RIPK1: variants seen among roughly 807,000 people sequenced by gnomAD.
RIPK1 encodes the protein receptor interacting serine/threonine kinase 1, also known as receptor-interacting serine/threonine-protein kinase 1.
In RIPK1, 27 loss-of-function variants were observed where a neutral mutation model predicts 62.4. The observed-to-expected ratio is 0.43, with a 90% confidence interval of 0.32 to 0.60. RIPK1 has a LOEUF of 0.60. RIPK1 is among the 20% of genes least tolerant of loss of function. The probability of loss-of-function intolerance (pLI) is 0.07; values close to 1 mark genes in which losing one functional copy is unlikely to be tolerated. For synonymous variants in RIPK1, 287 were observed against 303.2 expected, an observed-to-expected ratio of 0.95 and a Z score of 0.55; for missense variants, 735 against 831.0, an observed-to-expected ratio of 0.88 and a Z score of 1.42.
intron 1 of RIPK1, among the ~76,000 whole-genome samples, chr6:3,069,866 C>T (rs1417733856): frequency 1.3e-5 from 2 of 152,174 alleles, no homozygotes; most frequent in Non-Finnish European, 2.9e-5. Context: ...CAAAAATTAG[C>T]CAGGTGTGGT....
chr6:3,098,133 C>T (rs980184168), intron 7 of RIPK1, among the ~76,000 whole-genome samples: 19 of 150,078 alleles, frequency 1.3e-4, no homozygotes, highest in Admixed American at 4.6e-4. Context: ...CAGGAGGCTG[C>T]GCCATTGCGC....
At chr6:3,111,225 T>C (rs575482163) in intron 10 of RIPK1, among the ~76,000 whole-genome samples, 2 of 152,292 alleles carry the variant, frequency 1.3e-5, no homozygotes, top group South Asian at 2.1e-4. Flanking sequence ...GCCTGGCACA[T>C]AGTAAGTTCT....
At chr6:3,111,590 CCT>C (rs200862991) in intron 10 of RIPK1, among the ~76,000 whole-genome samples, 3,738 of 152,040 alleles carry the variant, frequency 0.025, 89 homozygotes, top group East Asian at 0.071. Context: ...GAACTACTCA[CCT>C]CTCTTATTGT....
chr6:3,111,417 A>G (rs909206752), intron 10 of RIPK1, among the ~76,000 whole-genome samples: 1 of 152,212 alleles, frequency 6.6e-6, no homozygotes, highest in Non-Finnish European at 1.5e-5. Context: ...GGTGCAGCCC[A>G]TAATGCTAAT....
intron 7 of RIPK1, 38 bp downstream of exon 7, chr6:3,089,695 C>T (rs754641206): frequency 9.5e-7 from 1 of 1,056,580 alleles, no homozygotes; most frequent in Admixed American, 2.1e-5. Flanking sequence ...ATTAACATAG[C>T]AAAATATATA....
At position 3,076,771 on chromosome 6, in the gene RIPK1, C is replaced by T. The variant is rs1023405632; in HGVS notation, c.-53C>T. 5.4e-5 allele frequency: 85 copies of T among 1,588,588 alleles called. 1 individual carries two copies. Among genetic ancestry groups the T allele is most frequent in the Non-Finnish European group, 5.9e-5 (69 of 1,168,050 alleles). On this transcript the variant is annotated 5_prime_UTR_variant, in exon 2 of 11. Coordinates refer to ENST00000259808, the MANE Select transcript of RIPK1 (RefSeq NM_001354930.2). ...TCTCTGTTTTCTTTACAGGGTACAG[C>T]TCTGCCGGGGGGGGAAAAAGTGGTA...
chr6:3,071,644 A>G lies in RIPK1; in HGVS notation c.-61+2983A>G, dbSNP rs368685434. Among the ~76,000 whole-genome samples the G allele has an allele frequency of 3.9e-3, 599 of 152,306 alleles. 4 individuals are homozygous for G. The highest frequency in any genetic ancestry group is 0.014 in the African/African-American group (577 of 41,564). ...GTTGAATCTTTCATGTGGAAAAAAGAGGGGTGGATAGGAAAAACAAAAGAA... is the reference window on the plus strand; with the variant it reads ...GTTGAATCTTTCATGTGGAAAAAAGGGGGGTGGATAGGAAAAACAAAAGAA... On this transcript the variant is annotated intron_variant, in intron 1 of 10. Transcript: ENST00000259808.
upstream of RIPK1, among the ~76,000 whole-genome samples, chr6:3,064,615 G>GA (rs1403973978): frequency 1.3e-5 from 2 of 152,194 alleles, no homozygotes; most frequent in Admixed American, 1.3e-4. Context: ...GCAAGATGAG[G>GA]AATCACTTTC....
At chr6:3,112,383 C>T (rs1370735554) in intron 10 of RIPK1, among the ~76,000 whole-genome samples, 1 of 152,164 alleles carries the variant, frequency 6.6e-6, no homozygotes, top group Non-Finnish European at 1.5e-5. Flanking sequence ...GTGGTTTTCC[C>T]TTTACACCCA....
At chr6:3,099,353 G>A (rs1760482390) in intron 7 of RIPK1, among the ~76,000 whole-genome samples, 1 of 152,174 alleles carries the variant, frequency 6.6e-6, no homozygotes, top group African/African-American at 2.4e-5. Flanking sequence ...GACCATCCTG[G>A]CTAACATGGT....
At chr6:3,076,734 C>T (rs1759079725) in intron 1 of RIPK1, 30 bp from the exon 2 acceptor site, 7 of 836,326 alleles carry the variant, frequency 8.4e-6, no homozygotes, top group South Asian at 6.5e-5. Flanking sequence ...ATAGTCTTGC[C>T]CTGAGGTTTT....
intron 7 of RIPK1, among the ~76,000 whole-genome samples, chr6:3,094,457 A>C (rs1340204771): frequency 6.6e-6 from 1 of 152,102 alleles, no homozygotes; most frequent in Non-Finnish European, 1.5e-5. Flanking sequence ...GATCAAAAAA[A>C]ATAAATCACA....
In RIPK1 at chr6:3,072,102, A is replaced by G. The variant is rs1190324897; in HGVS notation, c.-61+3441A>G. Among the ~76,000 whole-genome samples, 1 of 152,190 alleles carries G rather than the reference A, an allele frequency of 6.6e-6. No homozygotes were observed. The highest frequency in any genetic ancestry group is 1.5e-5 in the Non-Finnish European group (1 of 68,036). On this transcript the variant is annotated intron_variant, in intron 1 of 10. Coordinates refer to ENST00000259808, the MANE Select transcript of RIPK1 (RefSeq NM_001354930.2). This position sits in a 1 kb window ranked among gnomAD's most constrained non-coding sequence, Gnocchi z 5.6. Reference sequence around the variant, plus strand: ...TCTGTACATGCTAAGTGTTTTACCTACTTTTGCTGTTCTATGTAATGCTAC... The same window carrying G: ...TCTGTACATGCTAAGTGTTTTACCTGCTTTTGCTGTTCTATGTAATGCTAC...
chr6:3,105,526 A>G lies in RIPK1; in HGVS notation c.1051A>G (p.Met351Val). The G allele has an allele frequency of 6.3e-7, 1 of 1,590,844 alleles. No homozygotes were observed. Among genetic ancestry groups the G allele is most frequent in the African/African-American group, 1.3e-5 (1 of 74,092 alleles). ...GSLHSSQGLG[M>V]GPVEESWFAP... ...ACTGCACAGTTCCCAGGGACTTGGG[A>G]TGGGTCCTGTGGAGGAGTCCTGGTT... Residue 351 changes from methionine to valine, a missense_variant, in exon 9 of 11, where the codon ATG becomes GTG. Met to Val is a conservative substitution (Grantham distance 21). This residue lies in a region of RIPK1 where 671 missense variants were observed against 726.2 expected (regional missense o/e 0.92). Coordinates refer to ENST00000259808, the MANE Select transcript of RIPK1 (RefSeq NM_001354930.2). The surrounding 1 kb of genome is among the most constrained non-coding windows in gnomAD (Gnocchi z 4.5).
chr6:3,079,770 G>T (rs1759280374), intron 3 of RIPK1, among the ~76,000 whole-genome samples: 1 of 152,186 alleles, frequency 6.6e-6, no homozygotes, highest in Admixed American at 6.5e-5. Flanking sequence ...TGATCAGATT[G>T]CTCTCCACCC....
intron 1 of RIPK1, among the ~76,000 whole-genome samples, chr6:3,076,479 G>C (rs1461199606): frequency 6.6e-6 from 1 of 151,640 alleles, no homozygotes; most frequent in East Asian, 1.9e-4. Context: ...ACCAGCCTGG[G>C]CAACATAGTG....
At chr6:3,112,141 T>C (rs747818249) in intron 10 of RIPK1, among the ~76,000 whole-genome samples, 4 of 151,594 alleles carry the variant, frequency 2.6e-5, no homozygotes, top group Non-Finnish European at 4.4e-5. Context: ...CGGTCGGCAG[T>C]GGGGTGGAGT....
At position 3,069,393 on chromosome 6, in the gene RIPK1, G is replaced by A. The variant is rs142604271; in HGVS notation, c.-61+732G>A. Among the ~76,000 whole-genome samples the A allele has an allele frequency of 4.9e-3, 746 of 152,262 alleles. 4 individuals carry two copies. The highest frequency in any genetic ancestry group is 0.017 in the African/African-American group (718 of 41,540). On this transcript the variant is annotated intron_variant, in intron 1 of 10. Transcript: ENST00000259808. ...TGTGAAGTGCTGCGGACCCTCTTGA[G>A]GGTTGGGAAGAGGATAGGCTGCATC...
At chr6:3,068,758 C>G (rs1758519213) in intron 1 of RIPK1, 97 bp downstream of exon 1, 21 of 751,080 alleles carry the variant, frequency 2.8e-5, no homozygotes, top group Non-Finnish European at 3.2e-5. Flanking sequence ...TCCCCCAGCA[C>G]GCCCGGGCAA....
Sources: gnomAD v4.1 joint callset for allele counts (sites outside exome capture counted in the v4.1 genomes callset) on GRCh38, gnomAD v4.1.1 for gene constraint, gnomAD v4.1.1 regional missense constraint, Gnocchi (gnomAD v3.1) non-coding constraint, MANE v1.5 for transcripts, NCBI Gene and HGNC (gene_info 2026-07-23, HGNC 2026-07-21) for gene names.